EPB41L5: variants seen among roughly 807,000 people sequenced by gnomAD.
EPB41L5 encodes the protein band 4.1-like protein 5.
Under a neutral mutation model 106.6 loss-of-function variants are expected in EPB41L5, and 55 were observed. That is an observed-to-expected ratio of 0.52 (90% confidence interval 0.42 to 0.65). The LOEUF is 0.65. Ranked by LOEUF, EPB41L5 falls within the 30% of genes least tolerant of loss-of-function variation. EPB41L5 has a pLI of 0.00. For missense variants in EPB41L5, 871 were observed against 882.1 expected (o/e 0.99, Z 0.16); for synonymous variants, 297 against 306.7 (o/e 0.97, Z 0.33).
intron 16 of EPB41L5, among the ~76,000 whole-genome samples, chr2:120,116,685 ATTTTTTTATT>A (rs1012845073): frequency 2.0e-5 from 3 of 151,914 alleles, no homozygotes; most frequent in Non-Finnish European, 4.4e-5. Flanking sequence ...CACCTGGCTA[ATTTTTTTATT>A]TTTTTTTATT....
intron 2 of EPB41L5, among the ~76,000 whole-genome samples, chr2:120,030,394 G>A (rs1242087099): frequency 6.6e-6 from 1 of 152,148 alleles, no homozygotes; most frequent in Non-Finnish European, 1.5e-5. Flanking sequence ...GCACTGGATG[G>A]ATCAGCTGAG....
chr2:120,070,439 AC>A (rs1681781517), intron 3 of EPB41L5, among the ~76,000 whole-genome samples: 1 of 152,158 alleles, frequency 6.6e-6, no homozygotes, highest in Admixed American at 6.5e-5. Context: ...TGAAACTATT[AC>A]AAACAATAGG....
intron 3 of EPB41L5, among the ~76,000 whole-genome samples, chr2:120,047,796 G>A (rs1166252688): frequency 6.6e-6 from 1 of 152,158 alleles, no homozygotes; most frequent in Non-Finnish European, 1.5e-5. Flanking sequence ...CTGGCTGTGG[G>A]TTTGTCATAA....
chr2:120,135,762 A>G (rs1167540790), intron 18 of EPB41L5, among the ~76,000 whole-genome samples: 2 of 152,176 alleles, frequency 1.3e-5, no homozygotes, highest in African/African-American at 4.8e-5. Flanking sequence ...ATACCCTTCA[A>G]ACATGAAGGA....
intron 3 of EPB41L5, 55 bp downstream of exon 3, chr2:120,042,165 A>G: frequency 7.5e-7 from 1 of 1,335,522 alleles, no homozygotes; most frequent in Non-Finnish European, 1.1e-6. Context: ...AGGAAATTTC[A>G]GATGATATAC....
rs1018738850 is a variant in EPB41L5 at position 120,178,680 on chromosome 2, T to C, written c.*3773T>C. The C allele has an allele frequency of 2.0e-5, 3 of 152,268 alleles. No individual in the cohort carries two copies. Among genetic ancestry groups the C allele is most frequent in the South Asian group, 4.1e-4 (2 of 4,834 alleles). The allele number at this position is 152,268 out of a possible 1,614,324, so 9.4% of individuals were successfully genotyped here. ...AGTATGAGGACATTTGTTTGAATTA[T>C]AGAAATTTGCCCTGAGCTGAACTGG... On this transcript the variant is annotated 3_prime_UTR_variant, in exon 25 of 25. Transcript: ENST00000263713.
rs1400002617 is a variant in EPB41L5 at position 120,164,922 on chromosome 2, TTAAAA to T, written c.1962+15_1962+19del. 1 of 1,581,852 alleles carries T rather than the reference TTAAAA, an allele frequency of 6.3e-7. No individual in the cohort carries two copies. On this transcript the variant is annotated intron_variant, in intron 22 of 24. Coordinates refer to ENST00000263713, the MANE Select transcript of EPB41L5 (RefSeq NM_020909.4). Reference sequence around the variant, plus strand: ...CAGTTGCACCTCAGGTAAATATGCTTTAAAATAGTATGATGGAAAGAAATTTCTGT... The same window carrying T: ...CAGTTGCACCTCAGGTAAATATGCTTTAGTATGATGGAAAGAAATTTCTGT...
At chr2:120,013,356 C>G (rs930755769) in intron 1 of EPB41L5, 146 bp downstream of exon 1, 2 of 152,128 alleles carry the variant, frequency 1.3e-5, no homozygotes, top group East Asian at 1.9e-4. Flanking sequence ...GCGGCCGGCC[C>G]CTCTCTCGTC....
chr2:120,103,103 G>C (rs2105404366), intron 16 of EPB41L5, among the ~76,000 whole-genome samples: 1 of 152,236 alleles, frequency 6.6e-6, no homozygotes, highest in Middle Eastern at 3.4e-3. Flanking sequence ...TTCCCTAAGG[G>C]ATAAAGGTGA....
chr2:120,102,400 C>CTTTA (rs1156312400), intron 16 of EPB41L5, among the ~76,000 whole-genome samples: 4 of 152,058 alleles, frequency 2.6e-5, no homozygotes, highest in Admixed American at 2.0e-4. Flanking sequence ...AAGTGATGCT[C>CTTTA]TTTATAACAT....
At chr2:120,032,157 C>T (rs1030935246) in intron 2 of EPB41L5, among the ~76,000 whole-genome samples, 2 of 151,848 alleles carry the variant, frequency 1.3e-5, no homozygotes, top group East Asian at 1.9e-4. Flanking sequence ...CTGAGGTGGG[C>T]GTATCATGAG....
Position 120,078,478 on chromosome 2 carries a change from C to T in EPB41L5, c.715-15C>T. On this transcript the variant is annotated splice_polypyrimidine_tract_variant and intron_variant, in intron 9 of 24. Coordinates refer to ENST00000263713, the MANE Select transcript of EPB41L5 (RefSeq NM_020909.4). Reference sequence around the variant, plus strand: ...GTACAAATAAAGCTAACACATTTTTCTCCCCTTAAATTAGGCTAGAGATGG... The same window carrying T: ...GTACAAATAAAGCTAACACATTTTTTTCCCCTTAAATTAGGCTAGAGATGG... 3 of 1,551,090 alleles carry T rather than the reference C, an allele frequency of 1.9e-6. No homozygotes were observed. The highest frequency in any genetic ancestry group is 3.9e-5 in the Admixed American group (2 of 51,838).
intron 19 of EPB41L5, among the ~76,000 whole-genome samples, chr2:120,145,495 T>C (rs1686357249): frequency 6.6e-6 from 1 of 152,232 alleles, no homozygotes; most frequent in Non-Finnish European, 1.5e-5. Context: ...GATCATCATT[T>C]ACCTCAAATA....
At chr2:120,128,274 C>G (rs1028282559) in intron 17 of EPB41L5, among the ~76,000 whole-genome samples, 2 of 151,908 alleles carry the variant, frequency 1.3e-5, no homozygotes, top group Non-Finnish European at 2.9e-5. Context: ...CACACACACA[C>G]ACACACACAC....
intron 11 of EPB41L5, among the ~76,000 whole-genome samples, chr2:120,090,107 C>G (rs184545539): frequency 1.3e-5 from 2 of 151,848 alleles, no homozygotes; most frequent in Admixed American, 6.6e-5. Context: ...TTTTATGTCT[C>G]TCTCACAAAT....
At chr2:120,164,420 C>T (rs1021156229) in intron 21 of EPB41L5, among the ~76,000 whole-genome samples, 1 of 152,062 alleles carries the variant, frequency 6.6e-6, no homozygotes, top group Non-Finnish European at 1.5e-5. Context: ...CTATATTGCC[C>T]AGGCTGGTCT....
At chr2:120,013,884 A>C (rs1677323324) in intron 1 of EPB41L5, among the ~76,000 whole-genome samples, 1 of 152,250 alleles carries the variant, frequency 6.6e-6, no homozygotes, top group African/African-American at 2.4e-5. Flanking sequence ...AATTACGGGG[A>C]AAATTCCCAT....
chr2:120,076,366 G>A (rs1056110574), intron 7 of EPB41L5, among the ~76,000 whole-genome samples: 1 of 150,256 alleles, frequency 6.7e-6, no homozygotes, highest in Admixed American at 6.7e-5. Context: ...CTAGAGGGCA[G>A]TTGCATGATT....
Position 120,074,162 on chromosome 2 carries a change from C to T in EPB41L5, c.391C>T (p.Arg131Cys), listed in dbSNP as rs1414991675. ...TTATTCCTCAGAACCAAATAACCTTCGTGAGGAGCTAACCCGGTAAGAACA... is the reference window on the plus strand; with the variant it reads ...TTATTCCTCAGAACCAAATAACCTTTGTGAGGAGCTAACCCGGTAAGAACA... ...KFYSSEPNNL[R>C]EELTRYLFVL... Residue 131 changes from arginine (R) to cysteine (C), a missense_variant, in exon 5 of 25, where the codon CGT (arginine) becomes TGT (cysteine). Coordinates refer to ENST00000263713, the MANE Select transcript of EPB41L5 (RefSeq NM_020909.4). The T allele has an allele frequency of 2.5e-6, 4 of 1,611,658 alleles. No individual in the cohort carries two copies. Among genetic ancestry groups the T allele is most frequent in the East Asian group, 2.2e-5 (1 of 44,810 alleles).
Sources: gnomAD v4.1 joint callset for allele counts (sites outside exome capture counted in the v4.1 genomes callset) on GRCh38, gnomAD v4.1.1 for gene constraint, MANE v1.5 for transcripts, NCBI Gene and HGNC (gene_info 2026-07-23, HGNC 2026-07-21) for gene names.